Variants in PANK1 observed in about 807,000 individuals in gnomAD.
PANK1 encodes the protein pantothenic acid kinase 1.
PANK1 carries 18 observed loss-of-function variants against 40.1 expected under a neutral mutation model. The ratio of observed to expected loss-of-function variants is 0.45; its 90% CI spans 0.31 to 0.67. PANK1 has a LOEUF of 0.67. PANK1 is among the 30% of genes least tolerant of loss of function. PANK1 has a pLI of 0.06. For missense variants in PANK1, 457 were observed against 599.6 expected, an observed-to-expected ratio of 0.76 and a Z score of 2.48; for synonymous variants, 242 against 237.7, an observed-to-expected ratio of 1.02 and a Z score of -0.17.
At chr10:89,585,599 C>G (rs1048291926) in intron 6 of PANK1, among the ~76,000 whole-genome samples, 1 of 152,168 alleles carries the variant, frequency 6.6e-6, no homozygotes, top group African/African-American at 2.4e-5. Context: ...ATCACAATAA[C>G]TCTATGAGAC....
Position 89,584,403 on chromosome 10 carries a change from T to A in PANK1, c.*3A>T, listed in dbSNP as rs779034349. ...GGGAGGCTGTTTCCTCCACTGCTCG[T>A]CTCTACTTGTCATCAGTCATTTTGA... On this transcript the variant is annotated 3_prime_UTR_variant, in exon 7 of 7. Coordinates refer to ENST00000307534, the MANE Select transcript of PANK1 (RefSeq NM_148977.3). 6.3e-7 allele frequency: 1 copy of A among 1,590,456 alleles called. No individual in the cohort carries two copies. Among genetic ancestry groups the A allele is most frequent in the Non-Finnish European group, 8.6e-7 (1 of 1,158,634 alleles).
chr10:89,621,439 A>T (rs1845483278), intron 1 of PANK1, among the ~76,000 whole-genome samples: 1 of 152,232 alleles, frequency 6.6e-6, no homozygotes, highest in South Asian at 2.1e-4. Context: ...ATTTGATAAT[A>T]TATTCACAGA....
Position 89,599,399 on chromosome 10 carries a change from A to G in PANK1, c.752T>C (p.Phe251Ser). Residue 251 changes from phenylalanine (F) to serine (S), a missense_variant, in exon 3 of 7, where the codon TTT (phenylalanine) becomes TCT (serine). By Grantham distance (155) the Phe-to-Ser change is radical. Coordinates refer to ENST00000307534, the MANE Select transcript of PANK1 (RefSeq NM_148977.3). ...CAATTCAGGATTTGTGGGATTTTCAAAATAGTAACATTCTGGCTTGCCGTT... is the reference window on the plus strand; with the variant it reads ...CAATTCAGGATTTGTGGGATTTTCAGAATAGTAACATTCTGGCTTGCCGTT... Reference protein sequence around the residue: ...GFNGKPECYYFENPTNPELCQ... With the variant: ...GFNGKPECYYSENPTNPELCQ... 1 of 1,614,116 alleles carries G rather than the reference A, an allele frequency of 6.2e-7. No homozygotes were observed. Among genetic ancestry groups the G allele is most frequent in the Non-Finnish European group, 8.5e-7 (1 of 1,179,982 alleles).
chr10:89,588,842 A>G (rs183179922), intron 5 of PANK1, 65 bp from the exon 6 acceptor site: 323 of 1,166,230 alleles, frequency 2.8e-4, no homozygotes, highest in Non-Finnish European at 3.7e-4. Flanking sequence ...CAAAGACCCA[A>G]TGTTCTGTAT....
chr10:89,625,510 CCT>C (rs1301400080), intron 1 of PANK1, among the ~76,000 whole-genome samples: 1 of 152,098 alleles, frequency 6.6e-6, no homozygotes, highest in Non-Finnish European at 1.5e-5. Flanking sequence ...TAGATGGGCT[CCT>C]CTCTCCCCCT....
At position 89,586,897 on chromosome 10, in the gene PANK1, C is replaced by T. The variant is rs180774139; in HGVS notation, c.1326+1755G>A. ...ATCCCAGCACTTTAGGAGGCTGAGG[C>T]GGGTGGATTACCTGAGGTCAGGAGT... On this transcript the variant is annotated intron_variant, in intron 6 of 6. Transcript: ENST00000307534. Among the ~76,000 whole-genome samples, 305 of 152,208 alleles carry T rather than the reference C, an allele frequency of 2.0e-3. 4 individuals are homozygous for T. Among genetic ancestry groups the T allele is most frequent in the African/African-American group, 6.9e-3 (287 of 41,526 alleles).
intron 1 of PANK1, among the ~76,000 whole-genome samples, chr10:89,636,576 C>T (rs1321175669): frequency 2.6e-5 from 4 of 152,008 alleles, no homozygotes; most frequent in African/African-American, 4.8e-5. Context: ...CTCAGCCTCC[C>T]GAGTAGCTGG....
intron 1 of PANK1, among the ~76,000 whole-genome samples, chr10:89,613,396 G>A (rs1473137145): frequency 6.6e-6 from 1 of 152,188 alleles, no homozygotes; most frequent in Non-Finnish European, 1.5e-5. Context: ...CCCTGCAGAA[G>A]GTCTTTTTTC....
intron 1 of PANK1, among the ~76,000 whole-genome samples, chr10:89,635,449 C>T (rs1841775463): frequency 6.6e-6 from 1 of 152,152 alleles, no homozygotes; most frequent in Non-Finnish European, 1.5e-5. Flanking sequence ...ATTAATCATT[C>T]ATGGGGATGG....
At chr10:89,610,790 C>T (rs1270676838) in intron 2 of PANK1, among the ~76,000 whole-genome samples, 2 of 152,126 alleles carry the variant, frequency 1.3e-5, no homozygotes, top group Admixed American at 6.5e-5. Flanking sequence ...AAAACTAATC[C>T]TAAAATCTCC....
At chr10:89,641,808 C>T (rs1371493161) in intron 1 of PANK1, among the ~76,000 whole-genome samples, 1 of 151,034 alleles carries the variant, frequency 6.6e-6, no homozygotes, top group Non-Finnish European at 1.5e-5. Context: ...CAAAAAAGTC[C>T]ATTCACAATT....
At chr10:89,617,619 G>A (rs527963681) in intron 1 of PANK1, among the ~76,000 whole-genome samples, 2 of 152,302 alleles carry the variant, frequency 1.3e-5, no homozygotes, top group South Asian at 2.1e-4. Context: ...GGGTTAAGAT[G>A]TCTCCAATAA....
chr10:89,619,234 T>C (rs1845408362), intron 1 of PANK1, among the ~76,000 whole-genome samples: 2 of 152,234 alleles, frequency 1.3e-5, no homozygotes, highest in Admixed American at 1.3e-4. Flanking sequence ...AAAACTTTAT[T>C]GGCAGTTGAT....
chr10:89,638,363 C>T (rs1841883917), intron 1 of PANK1, among the ~76,000 whole-genome samples: 1 of 152,218 alleles, frequency 6.6e-6, no homozygotes, highest in Non-Finnish European at 1.5e-5. Flanking sequence ...TCCAAAATGC[C>T]TTCAGAGTCA....
At chr10:89,607,483 C>T (rs1300704693) in intron 2 of PANK1, among the ~76,000 whole-genome samples, 2 of 152,188 alleles carry the variant, frequency 1.3e-5, no homozygotes, top group Non-Finnish European at 2.9e-5. Context: ...GAATTACCTA[C>T]ATGTGACACA....
chr10:89,598,217 C>T (rs930276843), intron 3 of PANK1, among the ~76,000 whole-genome samples: 1 of 152,188 alleles, frequency 6.6e-6, no homozygotes, highest in African/African-American at 2.4e-5. Context: ...CAGTGGGGAA[C>T]CACTCATTTA....
intron 1 of PANK1, 98 bp from the exon 2 acceptor site, chr10:89,612,146 T>A: frequency 1.1e-6 from 1 of 930,140 alleles, no homozygotes; most frequent in East Asian, 2.5e-5. Flanking sequence ...GTATCATATC[T>A]ACATGTGCAT....
At chr10:89,608,555 A>G (rs1365669025) in intron 2 of PANK1, among the ~76,000 whole-genome samples, 1 of 152,244 alleles carries the variant, frequency 6.6e-6, no homozygotes, top group African/African-American at 2.4e-5. Flanking sequence ...TCAAGTACAT[A>G]TACTATATAT....
chr10:89,602,127 G>A (rs1396030786), intron 2 of PANK1, among the ~76,000 whole-genome samples: 2 of 152,122 alleles, frequency 1.3e-5, no homozygotes, highest in Non-Finnish European at 2.9e-5. Context: ...TTAATCAGAG[G>A]TTCATCAACA....
Sources: allele counts gnomAD v4.1 joint callset (sites outside exome capture counted in the v4.1 genomes callset), GRCh38; gene constraint gnomAD v4.1.1; transcripts MANE v1.5; gene names NCBI Gene and HGNC (gene_info 2026-07-23, HGNC 2026-07-21).